The following YIPF4 variants were observed in gnomAD, a reference collection of about 807,000 sequenced individuals.
YIPF4 encodes protein YIPF4.
Under a neutral mutation model 29.4 loss-of-function variants are expected in YIPF4, and 18 were observed. The ratio of observed to expected loss-of-function variants is 0.61; its 90% CI spans 0.42 to 0.91. The LOEUF is 0.91. YIPF4 is among the 40% of genes least tolerant of loss of function. The probability of loss-of-function intolerance (pLI) is 0.00; values close to 1 mark genes in which losing one functional copy is unlikely to be tolerated. For missense variants in YIPF4, 279 were observed against 282.7 expected (o/e 0.99, Z 0.09); for synonymous variants, 115 against 104.7 (o/e 1.10, Z -0.60).
At chr2:32,284,716 A>G (rs1459611204) in intron 1 of YIPF4, among the ~76,000 whole-genome samples, 1 of 152,168 alleles carries the variant, frequency 6.6e-6, no homozygotes, top group African/African-American at 2.4e-5. Context: ...TAATACAGCA[A>G]GTATATCTGA....
Position 32,278,214 on chromosome 2 carries a change from TCTC to T in YIPF4, c.63_65del (p.Ser22del), listed in dbSNP as rs760760807. 23 of 1,569,686 alleles carry T rather than the reference TCTC, an allele frequency of 1.5e-5. No individual in the cohort carries two copies. The highest frequency in any genetic ancestry group is 1.7e-4 in the Middle Eastern group (1 of 5,992). On this transcript the variant is annotated inframe_deletion, in exon 1 of 6. Transcript: ENST00000238831. ...CCCACTAACGGGGACTTCACCTTTGTCTCCTCAGCAGACGCGGAAGGTGAGGCT... is the reference window on the plus strand; with the variant it reads ...CCCACTAACGGGGACTTCACCTTTGTCTCAGCAGACGCGGAAGGTGAGGCT...
chr2:32,278,326 G>C lies in YIPF4; in HGVS notation c.79+92G>C. On this transcript the variant is annotated intron_variant, in intron 1 of 5. Coordinates refer to ENST00000238831, the MANE Select transcript of YIPF4 (RefSeq NM_032312.4). The stretch of plus-strand genomic sequence containing the variant: ...CTGGTGCCGAGGTGGTCGTGGCCGG[G>C]TGGGGACAGGCAGGAAGCTGACTGG... 4 of 1,300,658 alleles carry C rather than the reference G, an allele frequency of 3.1e-6. No homozygotes were observed. The Middle Eastern group carries it at 6.0e-4, about 197-fold the overall frequency. 80.6% of individuals were successfully genotyped at this position (1,300,658 alleles called of 1,614,324 possible). A position where few individuals can be genotyped will look rare whatever the true frequency, so the allele number is the denominator to read the frequency against.
intron 1 of YIPF4, among the ~76,000 whole-genome samples, chr2:32,279,918 G>A (rs202034043): frequency 1.4e-5 from 2 of 138,170 alleles, no homozygotes; most frequent in East Asian, 4.2e-4. Context: ...TTTTTTTTGA[G>A]GTGTGGTCTC....
intron 5 of YIPF4, among the ~76,000 whole-genome samples, chr2:32,302,991 T>C (rs1043927842): frequency 6.6e-6 from 1 of 152,200 alleles, no homozygotes; most frequent in African/African-American, 2.4e-5. Context: ...TCTTCCGAGG[T>C]ATCTTAACTT....
At chr2:32,294,632 A>G (rs1357802473) in intron 3 of YIPF4, among the ~76,000 whole-genome samples, 18 of 129,484 alleles carry the variant, frequency 1.4e-4, no homozygotes, top group Admixed American at 1.1e-3. Context: ...ATGGGCGGCC[A>G]GGCAGAGACG....
chr2:32,307,256 A>G lies in YIPF4; in HGVS notation c.*1630A>G. The G allele has an allele frequency of 1.4e-6, 1 of 693,720 alleles. No homozygotes were observed. Among genetic ancestry groups the G allele is most frequent in the African/African-American group, 2.0e-5 (1 of 50,628 alleles). 43.0% of individuals were successfully genotyped at this position (693,720 alleles called of 1,614,324 possible). ...TAATACTTTGTTATAATGGATTATA[A>G]TATTTGACATTCATAGTGTTGACCC... On this transcript the variant is annotated 3_prime_UTR_variant, in exon 6 of 6. Transcript: ENST00000238831.
Position 32,296,572 on chromosome 2 carries a change from A to T in YIPF4, c.406-1662A>T, listed in dbSNP as rs867472231. ...GATGTTTTCTCATGATTTGATTTGG[A>T]TTATGCATTTTTGGCAAGAATATCA... On this transcript the variant is annotated intron_variant, in intron 3 of 5. Coordinates refer to ENST00000238831, the MANE Select transcript of YIPF4 (RefSeq NM_032312.4). 2.0e-5 allele frequency among the ~76,000 whole-genome samples: 3 copies of T among 152,070 alleles called. No homozygotes were observed. In the South Asian group the frequency reaches 6.2e-4, roughly 32 times the overall value.
rs1313064552 is a variant in YIPF4 at position 32,315,942 on chromosome 2, G to A, written c.*10316G>A. On this transcript the variant is annotated 3_prime_UTR_variant, in exon 6 of 6. Transcript: ENST00000238831. ...TGCCTGTAATCCCAGCTCTCAGGGA[G>A]GCAAGAGGCAGGAGCATAGCTTGAG... The A allele has an allele frequency of 3.3e-5, 5 of 151,166 alleles. No individual in the cohort carries two copies. Among genetic ancestry groups the A allele is most frequent in the African/African-American group, 1.2e-4 (5 of 41,096 alleles). The allele number at this position is 151,166 out of a possible 1,614,324, so 9.4% of individuals were successfully genotyped here.
In YIPF4 at chr2:32,279,394, CT is replaced by C. The variant is rs35036420; in HGVS notation, c.79+1181del. Among the ~76,000 whole-genome samples the C allele has an allele frequency of 1.8e-3, 174 of 98,742 alleles. 1 individual carries two copies. The highest frequency in any genetic ancestry group is 7.4e-3 in the South Asian group (23 of 3,128). 64.8% of individuals were successfully genotyped at this position (98,742 alleles called of 152,430 possible). A position where few individuals can be genotyped will look rare whatever the true frequency, so the allele number is the denominator to read the frequency against. On this transcript the variant is annotated intron_variant, in intron 1 of 5. Transcript: ENST00000238831. The stretch of plus-strand genomic sequence containing the variant: ...AGTCTGAGAAAGAACCTAGATTTTC[CT>C]TTTTTTTTTTTTTTTTTTTTGAGAC...
chr2:32,280,006 C>T (rs920220950), intron 1 of YIPF4, among the ~76,000 whole-genome samples: 9 of 150,190 alleles, frequency 6.0e-5, no homozygotes, highest in East Asian at 2.0e-4. Flanking sequence ...CAGTGATCCT[C>T]CCGCTTCAGT....
At chr2:32,289,549 T>C (rs1277636748) in intron 1 of YIPF4, among the ~76,000 whole-genome samples, 2 of 152,238 alleles carry the variant, frequency 1.3e-5, no homozygotes, top group Non-Finnish European at 2.9e-5. Context: ...TGACTTGCAC[T>C]GACAGTATTG....
intron 1 of YIPF4, among the ~76,000 whole-genome samples, chr2:32,280,607 C>T (rs2030363243): frequency 6.6e-6 from 1 of 152,040 alleles, no homozygotes; most frequent in South Asian, 2.1e-4. Flanking sequence ...TGGTCTCGAT[C>T]TCCTGACCTC....
At position 32,281,186 on chromosome 2, in the gene YIPF4, T is replaced by C. The variant is rs140464657; in HGVS notation, c.79+2952T>C. 4.5e-3 allele frequency among the ~76,000 whole-genome samples: 683 copies of C among 152,268 alleles called. 2 individuals carry two copies. The highest frequency in any genetic ancestry group is 0.01 in the Middle Eastern group (3 of 294). Reference sequence around the variant, plus strand: ...TATGCATAATATCCTCACACAATATTATATCGTACAGTTTAAATTTAGAGT... The same window carrying C: ...TATGCATAATATCCTCACACAATATCATATCGTACAGTTTAAATTTAGAGT... On this transcript the variant is annotated intron_variant, in intron 1 of 5. Coordinates refer to ENST00000238831, the MANE Select transcript of YIPF4 (RefSeq NM_032312.4).
chr2:32,299,945 C>G (rs1275607497), intron 4 of YIPF4, among the ~76,000 whole-genome samples: 1 of 151,028 alleles, frequency 6.6e-6, no homozygotes, highest in Non-Finnish European at 1.5e-5. Flanking sequence ...TTAGCCTGGC[C>G]AGTGTGGTGA....
chr2:32,305,508 C>A lies in YIPF4; in HGVS notation c.617C>A (p.Ala206Asp). The A allele has an allele frequency of 6.3e-7, 1 of 1,595,620 alleles. No individual in the cohort carries two copies. Among genetic ancestry groups the A allele is most frequent in the Non-Finnish European group, 8.5e-7 (1 of 1,171,442 alleles). Reference sequence around the variant, plus strand: ...TTAAAGCTGTTTGGTGTGTTTTGGGCTGCCTACAGTGCTGCTTCATTGTTA... The same window carrying A: ...TTAAAGCTGTTTGGTGTGTTTTGGGATGCCTACAGTGCTGCTTCATTGTTA... ...TLIKLFGVFW[A>D]AYSAASLLVG... The change falls in exon 6 of 6, where the codon GCT becomes GAT. Residue 206 changes from alanine to aspartate, a missense_variant. Ala to Asp is a moderately radical substitution (Grantham distance 126). Coordinates refer to ENST00000238831, the MANE Select transcript of YIPF4 (RefSeq NM_032312.4).
In YIPF4 at chr2:32,293,040, ATTTTTATTTTTATTTTTATT is replaced by A. The variant is rs1379365413; in HGVS notation, c.405+708_405+727del. 4.1e-5 allele frequency among the ~76,000 whole-genome samples: 6 copies of A among 146,790 alleles called. No homozygotes were observed. In the South Asian group the frequency reaches 6.3e-4, roughly 15 times the overall value. Reference sequence around the variant, plus strand: ...CATATTTCTTACCTTTTTTTTGATTATTTTTATTTTTATTTTTATTTTTTTATTTTTATTTATTTATTTAT... The same window carrying A: ...CATATTTCTTACCTTTTTTTTGATTATTTTTATTTTTATTTATTTATTTAT... On this transcript the variant is annotated intron_variant, in intron 3 of 5. Transcript: ENST00000238831.
chr2:32,281,878 G>A (rs2030430698), intron 1 of YIPF4, among the ~76,000 whole-genome samples: 1 of 147,408 alleles, frequency 6.8e-6, no homozygotes, highest in Admixed American at 6.9e-5. Flanking sequence ...CTGGGTGACA[G>A]GGTGAGACTC....
chr2:32,289,407 G>T (rs2148960613), intron 1 of YIPF4, among the ~76,000 whole-genome samples: 1 of 152,254 alleles, frequency 6.6e-6, no homozygotes, highest in South Asian at 2.1e-4. Context: ...TATGAAAAAT[G>T]GTTTTTTGTT....
chr2:32,298,288 C>G lies in YIPF4; in HGVS notation c.460C>G (p.Leu154Val). 2.5e-6 allele frequency: 4 copies of G among 1,609,624 alleles called. No individual in the cohort carries two copies. Among genetic ancestry groups the G allele is most frequent in the Non-Finnish European group, 3.4e-6 (4 of 1,177,470 alleles). Residue 154 changes from leucine to valine, a missense_variant, in exon 4 of 6, where the codon CTG becomes GTG. Transcript: ENST00000238831. ...WIFGSLTIFL[L>V]ARVLGGEVAY... is the part of the protein sequence containing the mutation. The stretch of plus-strand genomic sequence containing the variant: ...ATTTGGTTCACTAACAATTTTCTTA[C>G]TGGCCAGAGTTCTTGGTGGAGAAGT...
Sources: gnomAD v4.1 joint callset for allele counts (sites outside exome capture counted in the v4.1 genomes callset) on GRCh38, gnomAD v4.1.1 for gene constraint, MANE v1.5 for transcripts, NCBI Gene and HGNC (gene_info 2026-07-23, HGNC 2026-07-21) for gene names.